IREB2: variants seen among roughly 807,000 people sequenced by gnomAD.
IREB2 encodes the protein iron-responsive element-binding protein 2.
In IREB2, 39 loss-of-function variants were observed where a neutral mutation model predicts 118.8. The ratio of observed to expected loss-of-function variants is 0.33; its 90% CI spans 0.25 to 0.43. The LOEUF (loss-of-function observed/expected upper bound fraction) is 0.43. Ranked by LOEUF, IREB2 falls within the 20% of genes least tolerant of loss-of-function variation. IREB2 has a pLI of 1.00. For synonymous variants in IREB2, 372 were observed against 392.2 expected, an observed-to-expected ratio of 0.95 and a Z score of 0.61; for missense variants, 900 against 1,147.3, an observed-to-expected ratio of 0.78 and a Z score of 3.11.
intron 10 of IREB2, among the ~76,000 whole-genome samples, chr15:78,482,908 C>T (rs531437742): frequency 1.4e-4 from 21 of 152,164 alleles, no homozygotes; most frequent in African/African-American, 4.3e-4. Flanking sequence ...CCACCACGCC[C>T]GGCTAATTTT....
intron 16 of IREB2, 118 bp downstream of exon 16, chr15:78,488,889 G>C (rs1480058319): frequency 3.2e-6 from 2 of 624,294 alleles, no homozygotes; most frequent in African/African-American, 3.9e-5. Flanking sequence ...AGTTTTTAAT[G>C]TGTAATAGTA....
At chr15:78,493,623 G>C (rs539060605) in intron 18 of IREB2, among the ~76,000 whole-genome samples, 1 of 151,544 alleles carries the variant, frequency 6.6e-6, no homozygotes, top group Non-Finnish European at 1.5e-5. Flanking sequence ...TTGGTGTAAA[G>C]ATTTTTTTTT....
intron 8 of IREB2, chr15:78,474,737 A>C (rs2051435909): frequency 6.6e-6 from 1 of 152,092 alleles, no homozygotes; most frequent in Admixed American, 6.6e-5. Context: ...TGTAATATCT[A>C]ATCTGTGTTT....
intron 21 of IREB2, 96 bp downstream of exon 21, chr15:78,497,407 T>G (rs2051855460): frequency 1.2e-6 from 1 of 855,612 alleles, no homozygotes; most frequent in Non-Finnish European, 1.9e-6. Context: ...CTAATGTCAC[T>G]TAATGAATGT....
chr15:78,492,057 TAAAG>T (rs907974617), intron 18 of IREB2, among the ~76,000 whole-genome samples: 1 of 152,172 alleles, frequency 6.6e-6, no homozygotes, highest in African/African-American at 2.4e-5. Flanking sequence ...TTTCTAAAAA[TAAAG>T]ACACTCAAAC....
At chr15:78,464,633 G>T (rs1270334122) in intron 3 of IREB2, among the ~76,000 whole-genome samples, 1 of 152,136 alleles carries the variant, frequency 6.6e-6, no homozygotes, top group Non-Finnish European at 1.5e-5. Context: ...ACCTAGGCTG[G>T]AGTGTAGTGA....
At chr15:78,449,910 A>G (rs949549701) in intron 2 of IREB2, among the ~76,000 whole-genome samples, 4 of 152,216 alleles carry the variant, frequency 2.6e-5, no homozygotes, top group African/African-American at 7.2e-5. Flanking sequence ...ACGAATTACT[A>G]TACTAAACCA....
At chr15:78,470,689 CTTTTTTTT>C (rs67871183) in intron 6 of IREB2, 88 bp downstream of exon 6, 9 of 209,996 alleles carry the variant, frequency 4.3e-5, no homozygotes, top group East Asian at 9.0e-5. Context: ...TTTTCTTTTC[CTTTTTTTT>C]TTTTTTTTTT....
chr15:78,440,963 A>G (rs773937991), intron 2 of IREB2, among the ~76,000 whole-genome samples: 2 of 152,226 alleles, frequency 1.3e-5, no homozygotes, highest in Non-Finnish European at 2.9e-5. Context: ...CCTCTTTAGA[A>G]GACTCATTAT....
At chr15:78,496,938 T>G (rs1468116817) in intron 20 of IREB2, among the ~76,000 whole-genome samples, 188 bp from the exon 21 acceptor site, 1 of 152,130 alleles carries the variant, frequency 6.6e-6, no homozygotes, top group African/African-American at 2.4e-5. Context: ...TTTAGAGAGC[T>G]CCATAAAAAT....
chr15:78,482,975 G>C (rs975570809), intron 10 of IREB2, among the ~76,000 whole-genome samples: 7 of 152,202 alleles, frequency 4.6e-5, no homozygotes, highest in African/African-American at 1.7e-4. Flanking sequence ...TCCTGACCTC[G>C]TGACCTGCCC....
intron 2 of IREB2, among the ~76,000 whole-genome samples, chr15:78,454,983 C>T (rs967640171): frequency 1.3e-5 from 2 of 151,946 alleles, no homozygotes; most frequent in African/African-American, 4.9e-5. Flanking sequence ...AGCCACTGTG[C>T]CCAGCCAGTA....
intron 2 of IREB2, among the ~76,000 whole-genome samples, chr15:78,452,025 G>A (rs1262080386): frequency 1.3e-5 from 2 of 152,196 alleles, no homozygotes; most frequent in African/African-American, 2.4e-5. Flanking sequence ...ACTGCTTTGA[G>A]TCCTGCTAAG....
chr15:78,467,751 AATTT>A (rs2051308611), intron 5 of IREB2, among the ~76,000 whole-genome samples: 1 of 152,178 alleles, frequency 6.6e-6, no homozygotes, highest in African/African-American at 2.4e-5. Flanking sequence ...AAACTTTTAA[AATTT>A]ATTTATTTAT....
chr15:78,446,586 T>G (rs1382052826), intron 2 of IREB2, among the ~76,000 whole-genome samples: 1 of 152,186 alleles, frequency 6.6e-6, no homozygotes, highest in African/African-American at 2.4e-5. Flanking sequence ...TAGACAAGCC[T>G]CCTCTGCCTG....
At chr15:78,451,446 T>C (rs1310230656) in intron 2 of IREB2, among the ~76,000 whole-genome samples, 1 of 152,204 alleles carries the variant, frequency 6.6e-6, no homozygotes, top group Non-Finnish European at 1.5e-5. Flanking sequence ...AGTAGAAATA[T>C]TGTATAAATA....
At chr15:78,482,751 G>GTTT (rs11444966) in intron 10 of IREB2, among the ~76,000 whole-genome samples, 2 of 145,566 alleles carry the variant, frequency 1.4e-5, no homozygotes, top group Admixed American at 6.8e-5. Flanking sequence ...GGGAAACCAG[G>GTTT]TTTTTTTTTT....
At chr15:78,455,179 G>A (rs940193808) in intron 2 of IREB2, among the ~76,000 whole-genome samples, 3 of 152,170 alleles carry the variant, frequency 2.0e-5, no homozygotes, top group Non-Finnish European at 4.4e-5. Flanking sequence ...GACCCTAACT[G>A]CCTAAGTAAG....
chr15:78,464,207 C>A (rs905541120), intron 3 of IREB2, among the ~76,000 whole-genome samples: 3 of 152,194 alleles, frequency 2.0e-5, no homozygotes, highest in Non-Finnish European at 4.4e-5. Context: ...GACTTGGTTA[C>A]AAATGTTAAG....
Sources: allele counts gnomAD v4.1 joint callset (sites outside exome capture counted in the v4.1 genomes callset), GRCh38; gene constraint gnomAD v4.1.1; transcripts MANE v1.5; gene names NCBI Gene and HGNC (gene_info 2026-07-23, HGNC 2026-07-21).